SLIT2: variants seen among roughly 807,000 people sequenced by gnomAD.
SLIT2 encodes the protein slit homolog 2 protein.
SLIT2 carries 41 observed loss-of-function variants against 185.7 expected under a neutral mutation model. The observed-to-expected ratio is 0.22, with a 90% CI of 0.17 to 0.29. The LOEUF (loss-of-function observed/expected upper bound fraction) is 0.29, where lower values mean the gene tolerates loss of function less well. Ranked by LOEUF, SLIT2 falls within the 10% of genes least tolerant of loss-of-function variation. The pLI is 1.00. For synonymous variants in SLIT2, 693 were observed against 680.2 expected, an observed-to-expected ratio of 1.02 and a Z score of -0.29; for missense variants, 1,571 against 1,909.0, an observed-to-expected ratio of 0.82 and a Z score of 3.30.
chr4:20,275,977 A>T (rs1284986628), intron 4 of SLIT2, among the ~76,000 whole-genome samples: 1 of 152,140 alleles, frequency 6.6e-6, no homozygotes, highest in Non-Finnish European at 1.5e-5. Context: ...GTTGCTAAGG[A>T]ACACTTTCAC....
At chr4:20,597,494 A>C (rs1269893471) in intron 32 of SLIT2, among the ~76,000 whole-genome samples, 1 of 152,258 alleles carries the variant, frequency 6.6e-6, no homozygotes. Context: ...TCCCTATGGA[A>C]GAAGCTGCAC....
intron 4 of SLIT2, among the ~76,000 whole-genome samples, chr4:20,285,307 G>T (rs1715157464): frequency 6.6e-6 from 1 of 152,190 alleles, no homozygotes; most frequent in African/African-American, 2.4e-5. Context: ...TGCTGAGCCT[G>T]ACCTGATAGG....
intron 29 of SLIT2, among the ~76,000 whole-genome samples, chr4:20,579,557 A>AT (rs1462743756): frequency 3.9e-5 from 6 of 152,066 alleles, no homozygotes; most frequent in African/African-American, 1.2e-4. Flanking sequence ...ATTTCTCTAA[A>AT]TTTTCCATAT....
chr4:20,450,419 T>G (rs2148713062), intron 4 of SLIT2, among the ~76,000 whole-genome samples: 1 of 152,360 alleles, frequency 6.6e-6, no homozygotes. Flanking sequence ...CATTCCATTT[T>G]ATTCCACATG....
chr4:20,478,823 A>G (rs1459035697), intron 5 of SLIT2, among the ~76,000 whole-genome samples: 2 of 152,066 alleles, frequency 1.3e-5, no homozygotes, highest in Non-Finnish European at 2.9e-5. Context: ...GTAGATATAT[A>G]TATAGCACTT....
intron 34 of SLIT2, among the ~76,000 whole-genome samples, chr4:20,612,883 A>C (rs1214304312): frequency 1.4e-5 from 2 of 142,654 alleles, no homozygotes; most frequent in Non-Finnish European, 3.0e-5. Context: ...GCACCACTGC[A>C]CTCCAGCCTG....
chr4:20,301,927 T>A (rs1252584142), intron 4 of SLIT2, among the ~76,000 whole-genome samples: 1 of 152,146 alleles, frequency 6.6e-6, no homozygotes, highest in Non-Finnish European at 1.5e-5. Flanking sequence ...ATACTGTCGA[T>A]TTTTTGGCTC....
In SLIT2 at chr4:20,261,998, C is replaced by T. The variant is rs527463346; in HGVS notation, c.323+4059C>T. On this transcript the variant is annotated intron_variant, in intron 3 of 36. Transcript: ENST00000504154. ...TTCCCACTAGCTTTGTCATTTGATA[C>T]TCATTTATGCTTGAAAATGAGCTCT... 4.6e-5 allele frequency among the ~76,000 whole-genome samples: 7 copies of T among 151,844 alleles called. No individual in the cohort carries two copies. The East Asian group carries it at 1.4e-3, about 29-fold the overall frequency.
In SLIT2 at chr4:20,488,893, G is replaced by A. The variant is rs149607898; in HGVS notation, c.686G>A (p.Arg229Gln). ...TCCGACTGGCTTCGCCAAAGGCCTC[G>A]GGTTGGTCTGTACACTCAGTGTATG... The part of the protein sequence containing the change: ...WLSDWLRQRP[R>Q]VGLYTQCMGP... The change falls in exon 8 of 37, where the codon CGG becomes CAG. Residue 229 changes from arginine to glutamine, a missense_variant. Arg to Gln is a conservative substitution (Grantham distance 43). Transcript: ENST00000504154. 7 of 1,612,824 alleles carry A rather than the reference G, an allele frequency of 4.3e-6. No homozygotes were observed. Among genetic ancestry groups the A allele is most frequent in the South Asian group, 1.1e-5 (1 of 90,972 alleles).
Position 20,617,093 on chromosome 4 carries a change from G to A in SLIT2, c.4031G>A (p.Gly1344Asp), listed in dbSNP as rs755361177. The A allele has an allele frequency of 1.9e-6, 3 of 1,613,344 alleles. No individual in the cohort carries two copies. Among genetic ancestry groups the A allele is most frequent in the Admixed American group, 1.7e-5 (1 of 60,008 alleles). Reference sequence around the variant, plus strand: ...TGCCACAAGAAGGTGTGTGCCCATGGCACATGCCAGCCCAGCAGCCAGGCA... The same window carrying A: ...TGCCACAAGAAGGTGTGTGCCCATGACACATGCCAGCCCAGCAGCCAGGCA... ...EPCHKKVCAH[G>D]TCQPSSQAGF... Residue 1344 changes from glycine to aspartate, a missense_variant, in exon 35 of 37, where the codon GGC becomes GAC. Gly to Asp is a moderately conservative substitution (Grantham distance 94, BLOSUM62 -1). This residue lies in a region of SLIT2 where 223 missense variants were observed against 245.2 expected (regional missense o/e 0.91). Coordinates refer to ENST00000504154, the MANE Select transcript of SLIT2 (RefSeq NM_004787.4).
intron 11 of SLIT2, among the ~76,000 whole-genome samples, chr4:20,518,402 A>G (rs1577838529): frequency 7.3e-6 from 1 of 137,228 alleles, no homozygotes; most frequent in East Asian, 2.2e-4. Flanking sequence ...ACAGGTGCCC[A>G]CCACCATGCC....
At chr4:20,280,185 T>A (rs1436691660) in intron 4 of SLIT2, among the ~76,000 whole-genome samples, 1 of 151,592 alleles carries the variant, frequency 6.6e-6, no homozygotes, top group Middle Eastern at 3.2e-3. Context: ...TACAAAAAAT[T>A]AGCTGGGCGT....
At chr4:20,616,754 C>A in intron 34 of SLIT2, 156 bp from the exon 35 acceptor site, 2 of 696,396 alleles carry the variant, frequency 2.9e-6, no homozygotes, top group Non-Finnish European at 4.7e-6. Context: ...AAACACACAT[C>A]TCTACATCTC....
At chr4:20,407,275 T>A (rs1726849854) in intron 4 of SLIT2, among the ~76,000 whole-genome samples, 1 of 152,162 alleles carries the variant, frequency 6.6e-6, no homozygotes, top group Non-Finnish European at 1.5e-5. Flanking sequence ...CACTTTTAGG[T>A]TTGTTTATTA....
chr4:20,519,587 T>A, intron 12 of SLIT2, 134 bp downstream of exon 12: 1 of 610,390 alleles, frequency 1.6e-6, no homozygotes, highest in East Asian at 2.8e-5. Context: ...AAAAGAGTAG[T>A]CCAGTCAAGC....
chr4:20,255,441 G>C (rs1388851637), intron 1 of SLIT2, among the ~76,000 whole-genome samples: 2 of 152,158 alleles, frequency 1.3e-5, no homozygotes, highest in African/African-American at 4.8e-5. Flanking sequence ...GTCAGGATTC[G>C]ATCCACATTT....
At chr4:20,543,655 T>C (rs1387191561) in intron 21 of SLIT2, among the ~76,000 whole-genome samples, 3 of 152,324 alleles carry the variant, frequency 2.0e-5, no homozygotes, top group African/African-American at 7.2e-5. Context: ...CAAGGGCATG[T>C]CATTTCAATT....
rs1308292428 is a variant in SLIT2, at chr4:20,542,681, A to G, written c.2276+55A>G. 1.1e-5 allele frequency: 17 copies of G among 1,579,340 alleles called. No homozygotes were observed. In the East Asian group the frequency reaches 3.1e-4, roughly 29 times the overall value. On this transcript the variant is annotated intron_variant, in intron 21 of 36. Transcript: ENST00000504154. Reference sequence around the variant, plus strand: ...CTTTTTCCTTGATGATAAATGTTTCATACACCCAGAGGAATGGACAAAAAT... The same window carrying G: ...CTTTTTCCTTGATGATAAATGTTTCGTACACCCAGAGGAATGGACAAAAAT...
intron 29 of SLIT2, among the ~76,000 whole-genome samples, chr4:20,573,923 T>C (rs1257892978): frequency 1.3e-5 from 2 of 148,610 alleles, no homozygotes; most frequent in Non-Finnish European, 3.0e-5. Context: ...CCCAAGAACG[T>C]GAGTCATAGA....
Sources: allele counts gnomAD v4.1 joint callset (sites outside exome capture counted in the v4.1 genomes callset), GRCh38; gene constraint gnomAD v4.1.1; regional missense constraint gnomAD v4.1.1; transcripts MANE v1.5; gene names NCBI Gene and HGNC (gene_info 2026-07-23, HGNC 2026-07-21).